Variants in CCDC73 observed in about 807,000 individuals in gnomAD.
CCDC73 encodes the protein coiled-coil domain containing 73.
CCDC73 carries 95 observed loss-of-function variants against 116.5 expected under a neutral mutation model. The ratio of observed to expected loss-of-function variants is 0.82; its 90% CI spans 0.69 to 0.97. The LOEUF (loss-of-function observed/expected upper bound fraction) is 0.97. CCDC73 is among the 50% of genes least tolerant of loss of function. CCDC73 has a pLI of 0.00. For missense variants in CCDC73, 1,066 were observed against 1,206.8 expected (o/e 0.88, Z 1.73); for synonymous variants, 398 against 401.3 (o/e 0.99, Z 0.10).
At chr11:32,667,377 C>T (rs7112105) in intron 9 of CCDC73, among the ~76,000 whole-genome samples, 41,235 of 152,170 alleles carry the variant, frequency 0.27, 6,473 homozygotes, top group East Asian at 0.79. Context: ...TGCCCCTCCC[C>T]CAGCCTCGCT....
chr11:32,732,924 A>ACCTTAAATGTAAATGGGCTAAATG (rs1336329960), intron 2 of CCDC73, among the ~76,000 whole-genome samples: 24 of 152,210 alleles, frequency 1.6e-4, no homozygotes, highest in Non-Finnish European at 2.6e-4. Flanking sequence ...AATGACATTA[A>ACCTTAAATGTAAATGGGCTAAATG]CCTTAAATGT....
intron 2 of CCDC73, among the ~76,000 whole-genome samples, chr11:32,759,480 G>A (rs893151945): frequency 3.3e-5 from 5 of 151,838 alleles, no homozygotes; most frequent in East Asian, 3.9e-4. Flanking sequence ...ACAAGCATGC[G>A]CCACCATATC....
At chr11:32,778,731 G>A (rs1850557880) in intron 1 of CCDC73, among the ~76,000 whole-genome samples, 1 of 152,004 alleles carries the variant, frequency 6.6e-6, no homozygotes, top group South Asian at 2.1e-4. Flanking sequence ...AGAATTGCTT[G>A]AACCTTGCAG....
chr11:32,756,861 T>C (rs1171158654), intron 2 of CCDC73, among the ~76,000 whole-genome samples: 1 of 152,134 alleles, frequency 6.6e-6, no homozygotes, highest in Admixed American at 6.5e-5. Flanking sequence ...TAATGAGAAG[T>C]ATTAAAAATT....
the CCDC73 span, among the ~76,000 whole-genome samples, chr11:32,820,142 A>G: frequency 1.3e-5 from 2 of 152,156 alleles, no homozygotes; most frequent in Admixed American, 1.3e-4. Context: ...TTTTTTAAAA[A>G]CCGAAGAATG....
chr11:32,627,413 G>A (rs1480778670), intron 14 of CCDC73, among the ~76,000 whole-genome samples: 7 of 152,172 alleles, frequency 4.6e-5, no homozygotes, highest in African/African-American at 1.4e-4. Context: ...TCAGTGTGGC[G>A]ATTCTTCAGG....
chr11:32,732,492 GA>G (rs1850087991), intron 2 of CCDC73, among the ~76,000 whole-genome samples: 1 of 152,092 alleles, frequency 6.6e-6, no homozygotes, highest in Non-Finnish European at 1.5e-5. Flanking sequence ...TGAAATGAAG[GA>G]AAAAATGTTA....
At chr11:32,624,387 T>C (rs1855550343) in intron 14 of CCDC73, among the ~76,000 whole-genome samples, 1 of 152,080 alleles carries the variant, frequency 6.6e-6, no homozygotes, top group Non-Finnish European at 1.5e-5. Flanking sequence ...GAGAAAGCTC[T>C]TTGACCCAGC....
At chr11:32,725,946 T>C (rs1201050166) in intron 2 of CCDC73, among the ~76,000 whole-genome samples, 1 of 152,150 alleles carries the variant, frequency 6.6e-6, no homozygotes, top group Non-Finnish European at 1.5e-5. Flanking sequence ...AGAATTTTAG[T>C]TGGAACCCCA....
intron 6 of CCDC73, among the ~76,000 whole-genome samples, chr11:32,693,674 C>T (rs1856282508): frequency 6.6e-6 from 1 of 152,168 alleles, no homozygotes; most frequent in African/African-American, 2.4e-5. Context: ...CAATAAAATA[C>T]TGGCAAACCA....
chr11:32,680,242 A>G (rs1856131232), intron 7 of CCDC73: 1 of 152,230 alleles, frequency 6.6e-6, no homozygotes, highest in African/African-American at 2.4e-5. Context: ...GAGATGTAAG[A>G]ATATTTTAAA....
intron 1 of CCDC73, among the ~76,000 whole-genome samples, chr11:32,774,943 T>C (rs1015141643): frequency 6.6e-6 from 1 of 152,214 alleles, no homozygotes; most frequent in Non-Finnish European, 1.5e-5. Flanking sequence ...CAATTAATTC[T>C]GTCCACAGGA....
At chr11:32,751,823 A>C (rs1034812504) in intron 2 of CCDC73, among the ~76,000 whole-genome samples, 1 of 152,198 alleles carries the variant, frequency 6.6e-6, no homozygotes, top group African/African-American at 2.4e-5. Context: ...CAGGAAGGAC[A>C]ATTGGTAGAA....
intron 1 of CCDC73, among the ~76,000 whole-genome samples, chr11:32,777,826 A>G (rs924731801): frequency 6.6e-6 from 1 of 152,158 alleles, no homozygotes; most frequent in South Asian, 2.1e-4. Context: ...TTTTATTAAT[A>G]AAGAAGGCTA....
At chr11:32,664,139 CTCTT>C (rs1429921504) in intron 9 of CCDC73, among the ~76,000 whole-genome samples, 2 of 152,086 alleles carry the variant, frequency 1.3e-5, no homozygotes, top group Non-Finnish European at 2.9e-5. Context: ...GTCTAAAATT[CTCTT>C]TTTTTATTGT....
intron 6 of CCDC73, among the ~76,000 whole-genome samples, chr11:32,695,037 G>A (rs892369537): frequency 2.0e-5 from 3 of 152,290 alleles, no homozygotes; most frequent in Admixed American, 1.3e-4. Context: ...TAACACAGAA[G>A]TGTTCTGTTT....
the CCDC73 span, among the ~76,000 whole-genome samples, chr11:32,823,519 T>TA: frequency 2.0e-5 from 3 of 148,350 alleles, no homozygotes; most frequent in Admixed American, 1.3e-4. Context: ...AAAGAGAAAA[T>TA]AAAAAAAATT....
chr11:32,639,372 G>T (rs1219235758), intron 13 of CCDC73, among the ~76,000 whole-genome samples: 1 of 151,962 alleles, frequency 6.6e-6, no homozygotes, highest in African/African-American at 2.4e-5. Flanking sequence ...TGTATTTTAG[G>T]CATCTTTGAA....
chr11:32,822,993 C>G, the CCDC73 span, among the ~76,000 whole-genome samples: 1 of 152,192 alleles, frequency 6.6e-6, no homozygotes, highest in East Asian at 1.9e-4. Context: ...CAGGGCCAGG[C>G]ACAGTGGCTC....
Sources: allele counts gnomAD v4.1 joint callset (sites outside exome capture counted in the v4.1 genomes callset), GRCh38; gene constraint gnomAD v4.1.1; transcripts MANE v1.5; gene names NCBI Gene and HGNC (gene_info 2026-07-23, HGNC 2026-07-21).